PLEKHM1: variants seen among roughly 807,000 people sequenced by gnomAD.
The protein encoded by PLEKHM1 is pleckstrin homology domain-containing family M member 1.
Under a neutral mutation model 94.3 loss-of-function variants are expected in PLEKHM1, and 28 were observed. The ratio of observed to expected loss-of-function variants is 0.30; its 90% CI spans 0.22 to 0.41. The LOEUF (loss-of-function observed/expected upper bound fraction) is 0.41, where lower values mean the gene tolerates loss of function less well. Ranked by LOEUF, PLEKHM1 falls within the 10% of genes least tolerant of loss-of-function variation. The probability of loss-of-function intolerance (pLI) is 1.00; values close to 1 mark genes in which losing one functional copy is unlikely to be tolerated. For missense variants in PLEKHM1, 907 were observed against 1,358.6 expected (o/e 0.67, Z 5.22); for synonymous variants, 424 against 581.2 (o/e 0.73, Z 3.89).
chr17:45,461,133 C>T (rs541610225), intron 5 of PLEKHM1, among the ~76,000 whole-genome samples: 6 of 152,224 alleles, frequency 3.9e-5, no homozygotes, highest in East Asian at 3.9e-4. Flanking sequence ...ATGATCCACC[C>T]GCCTCGGCCT....
intron 6 of PLEKHM1, among the ~76,000 whole-genome samples, chr17:45,456,688 G>A (rs1653323809): frequency 6.6e-6 from 1 of 152,248 alleles, no homozygotes. Flanking sequence ...CCACAGCAAG[G>A]CCCCCTGAGC....
chr17:45,440,333 C>A (rs766477714), intron 9 of PLEKHM1, 107 bp from the exon 10 acceptor site: 272 of 1,148,752 alleles, frequency 2.4e-4, no homozygotes, highest in Non-Finnish European at 3.4e-4. Context: ...AGACACCCCC[C>A]GCCTGGGCGG....
chr17:45,439,907 G>A, intron 10 of PLEKHM1: 1 of 638,066 alleles, frequency 1.6e-6, no homozygotes, highest in Non-Finnish European at 2.8e-6. Context: ...TCCCCTTGGG[G>A]AAAGGAGTAT....
chr17:45,451,229 AC>A (rs1304782352), intron 7 of PLEKHM1, among the ~76,000 whole-genome samples: 5 of 152,188 alleles, frequency 3.3e-5, no homozygotes, highest in African/African-American at 1.2e-4. Context: ...TAGCTGGGGG[AC>A]AGGGACCAGG....
chr17:45,455,555 C>T (rs2050920556), intron 6 of PLEKHM1, among the ~76,000 whole-genome samples: 1 of 152,170 alleles, frequency 6.6e-6, no homozygotes, highest in African/African-American at 2.4e-5. Context: ...CCTGCTTCCT[C>T]CTGAATGGTC....
chr17:45,440,142 G>A (rs2050401060), intron 10 of PLEKHM1, 21 bp downstream of exon 10: 1 of 1,608,092 alleles, frequency 6.2e-7, no homozygotes. Context: ...GGTCTGGGCG[G>A]GGGAAGCATG....
At position 45,453,569 on chromosome 17, in the gene PLEKHM1, G is replaced by A. The variant is rs567900606; in HGVS notation, c.2283C>T (p.Asn761=). Reference sequence around the variant, plus strand: ...CCCTCCACAGGGCGGCTTCCTCGGCGTTTCCGGCCTGCAGCTTCAGGACAG... The same window carrying A: ...CCCTCCACAGGGCGGCTTCCTCGGCATTTCCGGCCTGCAGCTTCAGGACAG... ...AKAVLKLQAG[N]AEEAALWRDL... Residue 761 remains asparagine, a synonymous_variant, in exon 7 of 12, where the codon AAC becomes AAT. Transcript: ENST00000430334. The surrounding 1 kb of genome is among the most constrained non-coding windows in gnomAD (Gnocchi z 4.1). 8.1e-6 allele frequency: 13 copies of A among 1,599,754 alleles called. No homozygotes were observed. In the East Asian group the frequency reaches 9.0e-5, roughly 11 times the overall value.
chr17:45,471,270 T>C (rs962826019), intron 4 of PLEKHM1, among the ~76,000 whole-genome samples: 7 of 149,976 alleles, frequency 4.7e-5, no homozygotes, highest in South Asian at 4.3e-4. Context: ...ACTGGGTTGA[T>C]TGTAATAAAA....
At chr17:45,450,477 A>C in intron 8 of PLEKHM1, 141 bp downstream of exon 8, 1 of 1,382,582 alleles carries the variant, frequency 7.2e-7, no homozygotes, top group South Asian at 1.2e-5. Flanking sequence ...TAGCTCCCCA[A>C]CATCACAGTG....
At chr17:45,482,720 C>T (rs139082657) in intron 1 of PLEKHM1, among the ~76,000 whole-genome samples, 195 bp from the exon 2 acceptor site, 6 of 152,172 alleles carry the variant, frequency 3.9e-5, no homozygotes, top group African/African-American at 7.2e-5. Context: ...GGGGCTTAGT[C>T]GTTGGGAGGC....
At chr17:45,483,542 C>T (rs1227178846) in intron 1 of PLEKHM1, among the ~76,000 whole-genome samples, 5 of 151,830 alleles carry the variant, frequency 3.3e-5, no homozygotes, top group African/African-American at 7.3e-5. Context: ...CAGGCAGGCA[C>T]ATTCACACGT....
chr17:45,474,067 T>A (rs987697795), intron 4 of PLEKHM1, among the ~76,000 whole-genome samples: 6 of 151,270 alleles, frequency 4.0e-5, no homozygotes, highest in Non-Finnish European at 8.9e-5. Context: ...TATTTATTTT[T>A]TTTTTTTGAG....
At chr17:45,440,102 T>C (rs753791215) in intron 10 of PLEKHM1, 61 bp downstream of exon 10, 1 of 1,466,628 alleles carries the variant, frequency 6.8e-7, no homozygotes, top group Non-Finnish European at 9.6e-7. Context: ...TCTTCCTTGC[T>C]GACTTCTCTG....
intron 5 of PLEKHM1, among the ~76,000 whole-genome samples, chr17:45,466,552 T>C (rs189618211): frequency 3.2e-3 from 486 of 152,236 alleles, no homozygotes; most frequent in African/African-American, 0.01. Flanking sequence ...TTCCTACAAA[T>C]CAACACATAC....
chr17:45,469,691 C>T (rs1377963199), intron 4 of PLEKHM1, among the ~76,000 whole-genome samples: 1 of 152,206 alleles, frequency 6.6e-6, no homozygotes, highest in African/African-American at 2.4e-5. Context: ...ACCTGATTGT[C>T]TTTCCAGTGA....
At chr17:45,441,164 G>A (rs1398663040) in intron 9 of PLEKHM1, 1 of 152,216 alleles carries the variant, frequency 6.6e-6, no homozygotes, top group Non-Finnish European at 1.5e-5. Flanking sequence ...CATGGGTACT[G>A]GGGGTGGGAG....
intron 3 of PLEKHM1, among the ~76,000 whole-genome samples, chr17:45,476,907 A>G (rs1449725051): frequency 6.6e-6 from 1 of 152,200 alleles, no homozygotes; most frequent in Admixed American, 6.5e-5. Flanking sequence ...TGTTGACCAG[A>G]TGATGGACTC....
chr17:45,451,799 C>T (rs924926005), intron 7 of PLEKHM1, among the ~76,000 whole-genome samples: 73 of 152,248 alleles, frequency 4.8e-4, no homozygotes, highest in African/African-American at 1.5e-3. Context: ...AGCATTCACA[C>T]CCACAGGCGA....
intron 1 of PLEKHM1, among the ~76,000 whole-genome samples, chr17:45,485,722 AC>A (rs2052090735): frequency 6.7e-6 from 1 of 149,244 alleles, no homozygotes; most frequent in Non-Finnish European, 1.5e-5. Flanking sequence ...ACATGGTGAA[AC>A]CCTATCTCTA....
Sources: gnomAD v4.1 joint callset for allele counts (sites outside exome capture counted in the v4.1 genomes callset) on GRCh38, gnomAD v4.1.1 for gene constraint, Gnocchi (gnomAD v3.1) non-coding constraint, MANE v1.5 for transcripts, NCBI Gene and HGNC (gene_info 2026-07-23, HGNC 2026-07-21) for gene names.